LUZP1: variants seen among roughly 807,000 people sequenced by gnomAD.
LUZP1 encodes filamin mechanobinding actin cross-linking protein.
In LUZP1, 25 loss-of-function variants were observed where a neutral mutation model predicts 71.3. The observed-to-expected ratio is 0.35, with a 90% confidence interval of 0.26 to 0.49. LUZP1 has a LOEUF of 0.49. LUZP1 is among the 20% of genes least tolerant of loss of function. LUZP1 has a pLI of 0.99. For missense variants in LUZP1, 1,142 were observed against 1,300.8 expected, an observed-to-expected ratio of 0.88 and a Z score of 1.88; for synonymous variants, 481 against 506.4, an observed-to-expected ratio of 0.95 and a Z score of 0.67.
intron 3 of LUZP1, among the ~76,000 whole-genome samples, chr1:23,107,450 C>T (rs6426784): frequency 0.85 from 128,988 of 151,850 alleles, 55,083 homozygotes; most frequent in Middle Eastern, 0.89. Context: ...TAGTAAGTGG[C>T]CATTTTTTGT....
chr1:23,158,101 C>T (rs566634333), intron 2 of LUZP1, among the ~76,000 whole-genome samples: 2 of 152,222 alleles, frequency 1.3e-5, no homozygotes, highest in East Asian at 3.9e-4. Context: ...TGTGAAATAT[C>T]ATACCAGATC....
At chr1:23,135,619 A>G (rs922458593) in intron 2 of LUZP1, among the ~76,000 whole-genome samples, 4 of 152,218 alleles carry the variant, frequency 2.6e-5, no homozygotes, top group Non-Finnish European at 5.9e-5. Context: ...GGGTTGGGAT[A>G]GTGTAAAAGC....
At chr1:23,130,750 ATGGTT>A (rs1644208442) in intron 2 of LUZP1, among the ~76,000 whole-genome samples, 1 of 152,058 alleles carries the variant, frequency 6.6e-6, no homozygotes, top group African/African-American at 2.4e-5. Context: ...GTATTCATCA[ATGGTT>A]TCCTATCACT....
intron 1 of LUZP1, among the ~76,000 whole-genome samples, chr1:23,172,413 C>CT (rs1644557520): frequency 6.6e-6 from 1 of 152,054 alleles, no homozygotes; most frequent in South Asian, 2.1e-4. Flanking sequence ...AATCCCAGTG[C>CT]TTTGGGTGGC....
chr1:23,142,712 C>T (rs1180742807), intron 2 of LUZP1, among the ~76,000 whole-genome samples: 221 of 62,754 alleles, frequency 3.5e-3, no homozygotes, highest in Middle Eastern at 0.03. Context: ...CACACACACA[C>T]ACACACACAC....
chr1:23,175,764 T>C (rs923338461), intron 1 of LUZP1, among the ~76,000 whole-genome samples: 3 of 152,150 alleles, frequency 2.0e-5, no homozygotes, highest in African/African-American at 7.2e-5. Flanking sequence ...CAGGACAACA[T>C]TAAACACAAT....
intron 2 of LUZP1, among the ~76,000 whole-genome samples, chr1:23,120,356 TAATA>T (rs1301157175): frequency 6.6e-6 from 1 of 151,386 alleles, no homozygotes; most frequent in African/African-American, 2.4e-5. Context: ...ATATACCTCC[TAATA>T]AATAAATAAA....
At chr1:23,096,130 G>A (rs1413330821) in intron 3 of LUZP1, among the ~76,000 whole-genome samples, 9 of 134,422 alleles carry the variant, frequency 6.7e-5, no homozygotes, top group East Asian at 2.2e-4. Context: ...AAGAAGGAAT[G>A]AAAAAAAAAA....
chr1:23,146,329 C>A (rs1469521345), intron 2 of LUZP1, among the ~76,000 whole-genome samples: 1 of 152,160 alleles, frequency 6.6e-6, no homozygotes, highest in South Asian at 2.1e-4. Context: ...GCACCATTAT[C>A]TTTATGCATT....
At chr1:23,146,399 C>T (rs1250468994) in intron 2 of LUZP1, among the ~76,000 whole-genome samples, 3 of 152,196 alleles carry the variant, frequency 2.0e-5, no homozygotes, top group Non-Finnish European at 4.4e-5. Context: ...GTCACACAAA[C>T]CTAGTCACAT....
At chr1:23,120,367 T>C (rs1031191230) in intron 2 of LUZP1, among the ~76,000 whole-genome samples, 13 of 149,302 alleles carry the variant, frequency 8.7e-5, no homozygotes, top group Admixed American at 6.2e-4. Context: ...AATAAATAAA[T>C]AAACATATAT....
intron 1 of LUZP1, among the ~76,000 whole-genome samples, chr1:23,170,908 T>C (rs1644548688): frequency 6.6e-6 from 1 of 151,890 alleles, no homozygotes; most frequent in African/African-American, 2.4e-5. Context: ...CTGGGCAACA[T>C]GGCAAAACCC....
chr1:23,088,946 T>A, exon 5 of LUZP1: 1 of 1,614,162 alleles, frequency 6.2e-7, no homozygotes, highest in South Asian at 1.1e-5. Flanking sequence ...CCTCGGCCCG[T>A]ACTCGCCCAG....
chr1:23,105,673 C>A (rs1394915218), intron 3 of LUZP1, among the ~76,000 whole-genome samples: 1 of 152,144 alleles, frequency 6.6e-6, no homozygotes, highest in Non-Finnish European at 1.5e-5. Flanking sequence ...ACTAAATATT[C>A]TCTACACTGT....
At position 23,139,019 on chromosome 1, in the gene LUZP1, A is replaced by AAAAT. The variant is rs1317355746; in HGVS notation, c.-226+29746_-226+29747insATTT. Among the ~76,000 whole-genome samples, 161 of 59,848 alleles carry AAAAT rather than the reference A, an allele frequency of 2.7e-3. 2 individuals are homozygous for AAAAT. Among genetic ancestry groups the AAAAT allele is most frequent in the Non-Finnish European group, 3.9e-3 (146 of 37,144 alleles). 39.3% of individuals were successfully genotyped at this position (59,848 alleles called of 152,430 possible). ...TCTCAAAAAAAAAAAAAAAAAAAAA[A>AAAAT]ATATATATATATATATATATATATA... On this transcript the variant is annotated intron_variant, in intron 2 of 4. Transcript: ENST00000302291.
chr1:23,112,960 C>T (rs1557649939), intron 2 of LUZP1, among the ~76,000 whole-genome samples: 3 of 152,198 alleles, frequency 2.0e-5, no homozygotes, highest in Admixed American at 6.5e-5. Context: ...ATTTGAACTG[C>T]GACCCACTGC....
chr1:23,099,626 C>T (rs1480543741), intron 3 of LUZP1, among the ~76,000 whole-genome samples: 1 of 152,160 alleles, frequency 6.6e-6, no homozygotes, highest in Non-Finnish European at 1.5e-5. Flanking sequence ...ATTCTGAATT[C>T]AGAGAGTCTG....
At chr1:23,090,857 T>C (rs1557623467) in intron 4 of LUZP1, 1 of 717,446 alleles carries the variant, frequency 1.4e-6, no homozygotes, top group Non-Finnish European at 2.6e-6. Flanking sequence ...CTTGTGCTTT[T>C]CATGCTGTTC....
chr1:23,132,823 TAAG>T (rs1427602529), intron 2 of LUZP1, among the ~76,000 whole-genome samples: 2 of 152,222 alleles, frequency 1.3e-5, no homozygotes, highest in African/African-American at 2.4e-5. Context: ...AAATTTTTCA[TAAG>T]AAGTTGCTGA....
Sources: gnomAD v4.1 joint callset for allele counts (sites outside exome capture counted in the v4.1 genomes callset) on GRCh38, gnomAD v4.1.1 for gene constraint, MANE v1.5 for transcripts, NCBI Gene and HGNC (gene_info 2026-07-23, HGNC 2026-07-21) for gene names.